COMMD6: variants seen among roughly 807,000 people sequenced by gnomAD.
COMMD6 encodes the protein COMM domain containing 6, also known as COMM domain-containing protein 6.
COMMD6 carries 11 observed loss-of-function variants against 13.4 expected under a neutral mutation model. The observed-to-expected ratio is 0.82, with a 90% CI of 0.52 to 1.36. COMMD6 has a LOEUF of 1.36. COMMD6 is among the 40% of genes most tolerant of loss of function. The pLI is 0.00. For missense variants in COMMD6, 124 were observed against 102.4 expected, an observed-to-expected ratio of 1.21 and a Z score of -0.91; for synonymous variants, 43 against 36.5, an observed-to-expected ratio of 1.18 and a Z score of -0.64.
At chr13:75,547,586 G>GTTTTTA (rs2030924815) in intron 1 of COMMD6, among the ~76,000 whole-genome samples, 2 of 152,146 alleles carry the variant, frequency 1.3e-5, no homozygotes, top group African/African-American at 4.8e-5. Context: ...TTCCCCAGGT[G>GTTTTTA]TTTTTATGCA....
intron 2 of COMMD6, 46 bp downstream of exon 2, chr13:75,537,618 G>A: frequency 6.2e-7 from 1 of 1,613,406 alleles, no homozygotes; most frequent in Non-Finnish European, 8.5e-7. Flanking sequence ...TCGCGGCCGT[G>A]GGAGGCAGGC....
chr13:75,548,480 T>C (rs1240976694), intron 1 of COMMD6, among the ~76,000 whole-genome samples: 2 of 152,200 alleles, frequency 1.3e-5, no homozygotes, highest in Non-Finnish European at 2.9e-5. Context: ...AGGTGCAGAA[T>C]AGTAATATGC....
At chr13:75,548,569 C>G (rs1209230663) in intron 1 of COMMD6, among the ~76,000 whole-genome samples, 1 of 152,176 alleles carries the variant, frequency 6.6e-6, no homozygotes, top group Non-Finnish European at 1.5e-5. Flanking sequence ...AAAACAGAAT[C>G]TCTTTAATCT....
intron 2 of COMMD6, among the ~76,000 whole-genome samples, chr13:75,533,614 T>C (rs920720074): frequency 6.7e-6 from 1 of 149,214 alleles, no homozygotes; most frequent in Non-Finnish European, 1.5e-5. Flanking sequence ...ATTCTTCTGG[T>C]GGCAGCAGAA....
chr13:75,542,412 C>G (rs1486079821), upstream of COMMD6, among the ~76,000 whole-genome samples: 1 of 151,596 alleles, frequency 6.6e-6, no homozygotes, highest in East Asian at 1.9e-4. Context: ...GCCTTAGCCT[C>G]TCAAGTAGCT....
chr13:75,539,788 A>C (rs1396199661), upstream of COMMD6, among the ~76,000 whole-genome samples: 1 of 152,062 alleles, frequency 6.6e-6, no homozygotes, highest in Non-Finnish European at 1.5e-5. Flanking sequence ...AAAACCAAAA[A>C]ACAAACAAAA....
chr13:75,539,127 C>T (rs1363696409), upstream of COMMD6, among the ~76,000 whole-genome samples: 1 of 152,146 alleles, frequency 6.6e-6, no homozygotes, highest in East Asian at 1.9e-4. Flanking sequence ...CTCTCCTGTT[C>T]CTGTTCCTTC....
intron 1 of COMMD6, among the ~76,000 whole-genome samples, chr13:75,545,307 G>A (rs1321399558): frequency 6.6e-6 from 1 of 152,122 alleles, no homozygotes; most frequent in Admixed American, 6.5e-5. Context: ...AGTTAGGTGG[G>A]GCCTGAACGT....
At chr13:75,539,842 C>T (rs2030796052), upstream of COMMD6, among the ~76,000 whole-genome samples, 1 of 152,078 alleles carries the variant, frequency 6.6e-6, no homozygotes, top group South Asian at 2.1e-4. Flanking sequence ...ATTAAATGTA[C>T]TAATTAGCTT....
At chr13:75,533,231 C>T (rs997074931) in intron 2 of COMMD6, among the ~76,000 whole-genome samples, 3 of 151,624 alleles carry the variant, frequency 2.0e-5, no homozygotes, top group South Asian at 2.1e-4. Context: ...CGCACCCGGC[C>T]GAAAGTTTTT....
intron 2 of COMMD6, chr13:75,537,371 C>G (rs1312827749): frequency 6.4e-7 from 1 of 1,550,898 alleles, no homozygotes. Context: ...TTATCCAACA[C>G]TTTAAAATAC....
At chr13:75,538,498 A>G (rs1422834828), upstream of COMMD6, among the ~76,000 whole-genome samples, 1 of 152,202 alleles carries the variant, frequency 6.6e-6, no homozygotes, top group Admixed American at 6.5e-5. Flanking sequence ...GAACACCTGT[A>G]TACCCTTCAT....
upstream of COMMD6, among the ~76,000 whole-genome samples, chr13:75,540,769 T>C (rs1047182255): frequency 1.3e-5 from 2 of 152,186 alleles, no homozygotes; most frequent in African/African-American, 4.8e-5. Context: ...AAGTAGAACA[T>C]ATGTCAGAAA....
intron 3 of COMMD6, among the ~76,000 whole-genome samples, chr13:75,528,763 AC>A (rs1364180280): frequency 1.3e-5 from 2 of 151,748 alleles, no homozygotes; most frequent in Non-Finnish European, 2.9e-5. Context: ...CATCGCTTGA[AC>A]CCAGGAGGCA....
At chr13:75,537,330 G>A (rs1437394551) in intron 2 of COMMD6, 3 of 1,549,304 alleles carry the variant, frequency 1.9e-6, no homozygotes, top group African/African-American at 2.7e-5. Flanking sequence ...AAATGTTTGC[G>A]GTGCTATCTC....
rs556170871 is a variant in COMMD6, at chr13:75,532,647, CA to C, written c.55-2382del. Among the ~76,000 whole-genome samples the C allele has an allele frequency of 3.5e-4, 53 of 152,252 alleles. No individual in the cohort carries two copies. In the South Asian group the frequency reaches 6.0e-3, roughly 17 times the overall value. Reference sequence around the variant, plus strand: ...GAGATCAGAATCATCCTGGCTAACACAGTGAAACCCCATCTCTACCAAAAAT... The same window carrying C: ...GAGATCAGAATCATCCTGGCTAACACGTGAAACCCCATCTCTACCAAAAAT... On this transcript the variant is annotated intron_variant, in intron 2 of 3. Transcript: ENST00000682242.
rs1171633139 is a variant in COMMD6 at position 75,535,645 on chromosome 13, C to CTGTA, written c.54+2015_54+2018dup. Among the ~76,000 whole-genome samples the CTGTA allele has an allele frequency of 6.6e-5, 10 of 152,316 alleles. No homozygotes were observed. In the East Asian group the frequency reaches 1.9e-3, roughly 29 times the overall value. Reference sequence around the variant, plus strand: ...AGCTTCTGCTCTAAGCTGTGGTTCTCTGTATTCGCAGTCTGTCTCACCAAT... The same window carrying CTGTA: ...AGCTTCTGCTCTAAGCTGTGGTTCTCTGTATGTATTCGCAGTCTGTCTCACCAAT... On this transcript the variant is annotated intron_variant, in intron 2 of 3. Coordinates refer to ENST00000682242, the MANE Select transcript of COMMD6 (RefSeq NM_203495.4).
upstream of COMMD6, among the ~76,000 whole-genome samples, chr13:75,542,567 G>T (rs556829723): frequency 4.6e-5 from 7 of 152,298 alleles, no homozygotes; most frequent in South Asian, 2.1e-4. Flanking sequence ...GGGATTACAG[G>T]CGTGAGTGAC....
intron 2 of COMMD6, chr13:75,537,334 CTA>C (rs756563515): frequency 6.5e-7 from 1 of 1,550,280 alleles, no homozygotes; most frequent in South Asian, 1.2e-5. Context: ...GTTTGCGGTG[CTA>C]TCTCTGCAAA....
Sources: allele counts gnomAD v4.1 joint callset (sites outside exome capture counted in the v4.1 genomes callset), GRCh38; gene constraint gnomAD v4.1.1; transcripts MANE v1.5; gene names NCBI Gene and HGNC (gene_info 2026-07-23, HGNC 2026-07-21).